The following CFAP210 variants were observed in gnomAD, a reference collection of about 807,000 sequenced individuals.
The protein encoded by CFAP210 is cilia and flagella associated protein 210.
At chr2:169,646,053 A>C in the CFAP210 span, 49 of 1,613,772 alleles carry the variant, frequency 3.0e-5, no homozygotes, top group Non-Finnish European at 4.2e-5. Context: ...GTTGTTTCCG[A>C]TTCAAGTTCA....
At chr2:169,654,128 T>C in the CFAP210 span, 1 of 1,606,292 alleles carries the variant, frequency 6.2e-7, no homozygotes, top group Non-Finnish European at 8.5e-7. Flanking sequence ...GCTTTTTTGC[T>C]TTGATGAATT....
the CFAP210 span, among the ~76,000 whole-genome samples, chr2:169,661,686 C>A: frequency 6.6e-6 from 1 of 152,226 alleles, no homozygotes. Flanking sequence ...ATTTTCTCTT[C>A]TCTCTTTCTT....
the CFAP210 span, among the ~76,000 whole-genome samples, chr2:169,664,274 T>C: frequency 6.6e-6 from 1 of 152,188 alleles, no homozygotes; most frequent in Non-Finnish European, 1.5e-5. Flanking sequence ...TCAAAGTTTT[T>C]AAATTGCTAC....
the CFAP210 span, among the ~76,000 whole-genome samples, chr2:169,684,824 T>C: frequency 1.4e-4 from 21 of 152,178 alleles, no homozygotes; most frequent in African/African-American, 5.1e-4. Context: ...AGCTAATTTT[T>C]TTTGTATTTT....
the CFAP210 span, among the ~76,000 whole-genome samples, chr2:169,690,396 GT>G: frequency 9.9e-5 from 15 of 152,160 alleles, no homozygotes; most frequent in Non-Finnish European, 1.8e-4. Context: ...CTGGTACCCA[GT>G]TTTTCTTTGT....
the CFAP210 span, among the ~76,000 whole-genome samples, chr2:169,670,040 T>C: frequency 1.3e-5 from 2 of 152,314 alleles, 1 homozygote. Flanking sequence ...GAAAAAGTGA[T>C]GCAAACTATC....
chr2:169,670,250 A>C, the CFAP210 span, among the ~76,000 whole-genome samples: 4 of 152,154 alleles, frequency 2.6e-5, no homozygotes, highest in African/African-American at 9.7e-5. Context: ...ATTCCTGGTC[A>C]AAATCCCTCT....
At chr2:169,674,299 C>G in the CFAP210 span, among the ~76,000 whole-genome samples, 1 of 152,188 alleles carries the variant, frequency 6.6e-6, no homozygotes. Flanking sequence ...CCAGCTGATT[C>G]CAGCCTAGAT....
the CFAP210 span, among the ~76,000 whole-genome samples, chr2:169,661,560 A>G: frequency 6.6e-6 from 1 of 152,194 alleles, no homozygotes; most frequent in Non-Finnish European, 1.5e-5. Flanking sequence ...GTGAACTGCG[A>G]CAAAAATATT....
At chr2:169,693,177 C>T in the CFAP210 span, among the ~76,000 whole-genome samples, 2 of 152,226 alleles carry the variant, frequency 1.3e-5, no homozygotes, top group Non-Finnish European at 2.9e-5. Flanking sequence ...AATAGCTGCA[C>T]ACATCTCTGA....
the CFAP210 span, among the ~76,000 whole-genome samples, chr2:169,649,503 C>T: frequency 6.6e-6 from 1 of 152,148 alleles, no homozygotes; most frequent in African/African-American, 2.4e-5. Context: ...CCCATGCGGC[C>T]AGTTTACTTT....
At chr2:169,690,382 C>T in the CFAP210 span, among the ~76,000 whole-genome samples, 1 of 152,240 alleles carries the variant, frequency 6.6e-6, no homozygotes, top group Non-Finnish European at 1.5e-5. Flanking sequence ...GCCAATGAAG[C>T]CATCTGGTAC....
At chr2:169,693,504 G>T in the CFAP210 span, among the ~76,000 whole-genome samples, 2 of 152,220 alleles carry the variant, frequency 1.3e-5, no homozygotes, top group Non-Finnish European at 1.5e-5. Context: ...GGTGCAGGGG[G>T]CACTATTGCT....
chr2:169,677,062 G>A, the CFAP210 span, among the ~76,000 whole-genome samples: 1 of 152,176 alleles, frequency 6.6e-6, no homozygotes, highest in African/African-American at 2.4e-5. Flanking sequence ...GCAGAGGGAG[G>A]CCAGCAGATG....
chr2:169,650,371 G>T, the CFAP210 span: 3 of 1,598,796 alleles, frequency 1.9e-6, no homozygotes, highest in African/African-American at 1.4e-5. Flanking sequence ...ATTCTGCTTT[G>T]TTTTTTTCAT....
the CFAP210 span, among the ~76,000 whole-genome samples, chr2:169,666,020 A>G: frequency 6.6e-6 from 1 of 152,044 alleles, no homozygotes; most frequent in South Asian, 2.1e-4. Flanking sequence ...ATGAGCCACC[A>G]TGCCCAGCCT....
the CFAP210 span, among the ~76,000 whole-genome samples, chr2:169,682,456 AATTGGTACTCTGTTGTTGCC>A: frequency 1.3e-5 from 2 of 151,642 alleles, no homozygotes; most frequent in Non-Finnish European, 2.9e-5. Flanking sequence ...TTGCCTCTGA[AATTGGTACTCTGTTGTTGCC>A]ATTTTCTATA....
At chr2:169,686,224 C>T in the CFAP210 span, among the ~76,000 whole-genome samples, 5 of 152,152 alleles carry the variant, frequency 3.3e-5, no homozygotes, top group African/African-American at 7.2e-5. Context: ...TATCATGAAG[C>T]GTGAGTCCTC....
chr2:169,670,459 C>T, the CFAP210 span, among the ~76,000 whole-genome samples: 1 of 152,158 alleles, frequency 6.6e-6, no homozygotes, highest in Non-Finnish European at 1.5e-5. Flanking sequence ...TTTTATATTG[C>T]TGAATAACTA....
Sources: allele counts gnomAD v4.1 joint callset (sites outside exome capture counted in the v4.1 genomes callset), GRCh38; gene constraint gnomAD v4.1.1; transcripts MANE v1.5; gene names NCBI Gene and HGNC (gene_info 2026-07-23, HGNC 2026-07-21).